Variants in ZFAND3 observed in about 807,000 individuals in gnomAD.
ZFAND3 encodes AN1-type zinc finger protein 3.
In ZFAND3, 10 loss-of-function variants were observed where a neutral mutation model predicts 29.6. That is an observed-to-expected ratio of 0.34 (90% CI 0.21 to 0.57). The LOEUF is 0.57. Among genes scored for constraint, ZFAND3 ranks in the 20% least tolerant of loss-of-function variants. The pLI, the probability that ZFAND3 is intolerant of heterozygous loss-of-function variation, is 0.86. For synonymous variants in ZFAND3, 128 were observed against 112.6 expected (o/e 1.14, Z -0.87); for missense variants, 230 against 304.5 (o/e 0.76, Z 1.82).
intron 2 of ZFAND3, among the ~76,000 whole-genome samples, chr6:37,975,063 A>T (rs1483678031): frequency 6.6e-6 from 1 of 152,244 alleles, no homozygotes; most frequent in Non-Finnish European, 1.5e-5. Context: ...AGAAACTGCC[A>T]AACTTTTCCA....
At chr6:37,881,534 G>T (rs1262104890) in intron 1 of ZFAND3, among the ~76,000 whole-genome samples, 1 of 152,170 alleles carries the variant, frequency 6.6e-6, no homozygotes, top group African/African-American at 2.4e-5. Flanking sequence ...GAAGCTGTTA[G>T]CTCTGGGGCA....
At chr6:38,078,884 C>A (rs1764604633) in intron 3 of ZFAND3, among the ~76,000 whole-genome samples, 1 of 152,166 alleles carries the variant, frequency 6.6e-6, no homozygotes, top group Admixed American at 6.5e-5. Flanking sequence ...GGGACTTACG[C>A]CAGCCACACT....
At chr6:37,961,326 C>G (rs1483551604) in intron 2 of ZFAND3, among the ~76,000 whole-genome samples, 1 of 152,224 alleles carries the variant, frequency 6.6e-6, no homozygotes, top group East Asian at 1.9e-4. Flanking sequence ...GTTGCCAGCT[C>G]AGCCACAATG....
At chr6:37,986,993 A>G (rs1331502288) in intron 2 of ZFAND3, among the ~76,000 whole-genome samples, 1 of 152,252 alleles carries the variant, frequency 6.6e-6, no homozygotes, top group Non-Finnish European at 1.5e-5. Context: ...ATCAGTGTCA[A>G]AATTTACATT....
intron 5 of ZFAND3, among the ~76,000 whole-genome samples, chr6:38,144,207 AT>A (rs1562016023): frequency 1.6e-4 from 7 of 43,668 alleles, no homozygotes; most frequent in African/African-American, 6.8e-4. Context: ...ATATATATAT[AT>A]ATAATATATA....
At chr6:37,966,399 T>C (rs887737190) in intron 2 of ZFAND3, among the ~76,000 whole-genome samples, 3 of 152,214 alleles carry the variant, frequency 2.0e-5, no homozygotes, top group Admixed American at 2.0e-4. Flanking sequence ...GGCATTGTGC[T>C]AAGGTGCCTT....
intron 4 of ZFAND3, among the ~76,000 whole-genome samples, chr6:38,113,191 C>T (rs1400836246): frequency 6.6e-6 from 1 of 152,210 alleles, no homozygotes; most frequent in Non-Finnish European, 1.5e-5. Flanking sequence ...GACATTTCTT[C>T]TGCCTTGCTT....
At chr6:38,003,777 A>G in intron 2 of ZFAND3, 1 of 450,632 alleles carries the variant, frequency 2.2e-6, no homozygotes, top group Non-Finnish European at 4.5e-6. Flanking sequence ...AAGTGCTGGG[A>G]TTACAGGCGA....
In ZFAND3 at chr6:38,065,209, G is replaced by A. The variant is rs79017073; in HGVS notation, c.295+3434G>A. 0.022 allele frequency among the ~76,000 whole-genome samples: 3,401 copies of A among 152,080 alleles called. 269 individuals are homozygous for A. In the East Asian group the frequency reaches 0.28, roughly 12 times the overall value. Reference sequence around the variant, plus strand: ...TGCGCACCTGTAGTCCCAGCTACTCGGGAGGCTGAGGCAGGGGAATCGCTT... The same window carrying A: ...TGCGCACCTGTAGTCCCAGCTACTCAGGAGGCTGAGGCAGGGGAATCGCTT... On this transcript the variant is annotated intron_variant, in intron 3 of 5. Transcript: ENST00000287218.
In ZFAND3 at chr6:37,972,418, A is replaced by C. The variant is rs571569064; in HGVS notation, c.112+42419A>C. Among the ~76,000 whole-genome samples the C allele has an allele frequency of 1.7e-3, 216 of 128,964 alleles. 9 individuals are homozygous for C. In the South Asian group the frequency reaches 0.057, roughly 34 times the overall value. 84.6% of individuals were successfully genotyped at this position (128,964 alleles called of 152,430 possible). ...TCTGTTAATGAAAATACACCTCCAG[A>C]TATAATATTCACACTAAGTGTGGTG... On this transcript the variant is annotated intron_variant, in intron 2 of 5. Transcript: ENST00000287218.
At chr6:37,963,075 G>A (rs1762227386) in intron 2 of ZFAND3, among the ~76,000 whole-genome samples, 1 of 152,086 alleles carries the variant, frequency 6.6e-6, no homozygotes, top group Non-Finnish European at 1.5e-5. Flanking sequence ...ACACCTGAAG[G>A]AACAAACTCT....
chr6:38,084,317 C>T (rs1764718695), intron 4 of ZFAND3, among the ~76,000 whole-genome samples: 1 of 152,206 alleles, frequency 6.6e-6, no homozygotes. Flanking sequence ...AGCTTAGCCA[C>T]TTACCAGTTG....
chr6:37,997,234 C>T lies in ZFAND3; in HGVS notation c.113-64359C>T, dbSNP rs1762866292. ...GGGGAAAGTAAGAATTGGGGAGATA[C>T]AGGCAATATTAAATTAGAAGTGCTT... On this transcript the variant is annotated intron_variant, in intron 2 of 5. Coordinates refer to ENST00000287218, the MANE Select transcript of ZFAND3 (RefSeq NM_021943.3). 2.0e-5 allele frequency among the ~76,000 whole-genome samples: 3 copies of T among 152,178 alleles called. No individual in the cohort carries two copies. In the South Asian group the frequency reaches 6.2e-4, roughly 32 times the overall value.
At chr6:37,870,088 A>C (rs1316953932) in intron 1 of ZFAND3, among the ~76,000 whole-genome samples, 2 of 151,976 alleles carry the variant, frequency 1.3e-5, no homozygotes, top group African/African-American at 4.8e-5. Flanking sequence ...TATTTTGATT[A>C]AATTCAAAGC....
At position 37,851,721 on chromosome 6, in the gene ZFAND3, G is replaced by C. The variant is rs1032399029; in HGVS notation, c.71+31705G>C. Among the ~76,000 whole-genome samples, 8 of 152,152 alleles carry C rather than the reference G, an allele frequency of 5.3e-5. No homozygotes were observed. In the South Asian group the frequency reaches 6.2e-4, roughly 12 times the overall value. On this transcript the variant is annotated intron_variant, in intron 1 of 5. Coordinates refer to ENST00000287218, the MANE Select transcript of ZFAND3 (RefSeq NM_021943.3). ...TATAGAAGTAAAGATTTCTGTCCAAGAGAGTTAAAATTGGAAAAAAATACC... is the reference window on the plus strand; with the variant it reads ...TATAGAAGTAAAGATTTCTGTCCAACAGAGTTAAAATTGGAAAAAAATACC...
At chr6:38,097,904 T>C (rs560774808) in intron 4 of ZFAND3, among the ~76,000 whole-genome samples, 8 of 152,200 alleles carry the variant, frequency 5.3e-5, no homozygotes, top group South Asian at 2.1e-4. Flanking sequence ...TCAGTGGAGA[T>C]AGGGAAGGAG....
At chr6:37,851,348 T>G (rs184678798) in intron 1 of ZFAND3, among the ~76,000 whole-genome samples, 158 of 152,276 alleles carry the variant, frequency 1.0e-3, no homozygotes, top group African/African-American at 3.3e-3. Flanking sequence ...CACTCTATTT[T>G]ATTCATTTGT....
intron 5 of ZFAND3, among the ~76,000 whole-genome samples, chr6:38,149,279 G>A (rs1766172320): frequency 6.6e-6 from 1 of 152,058 alleles, no homozygotes; most frequent in Admixed American, 6.5e-5. Flanking sequence ...TAGGTGTGGT[G>A]ATGTGTGCTT....
In ZFAND3 at chr6:37,916,262, A is replaced by T. The variant is rs544186922; in HGVS notation, c.72-13697A>T. ...AATGTGAAACAGATATGAAGTAAGC[A>T]CGTGCTGTTGAAACAAAGACTTGCT... On this transcript the variant is annotated intron_variant, in intron 1 of 5. Coordinates refer to ENST00000287218, the MANE Select transcript of ZFAND3 (RefSeq NM_021943.3). Among the ~76,000 whole-genome samples the T allele has an allele frequency of 1.2e-3, 187 of 152,336 alleles. 1 individual carries two copies. Among genetic ancestry groups the T allele is most frequent in the African/African-American group, 1.6e-3 (66 of 41,578 alleles).
Sources: allele counts gnomAD v4.1 joint callset (sites outside exome capture counted in the v4.1 genomes callset), GRCh38; gene constraint gnomAD v4.1.1; transcripts MANE v1.5; gene names NCBI Gene and HGNC (gene_info 2026-07-23, HGNC 2026-07-21).